The following GSK3B variants were observed in gnomAD, a reference collection of about 807,000 sequenced individuals.
GSK3B encodes the protein glycogen synthase kinase-3 beta.
Under a neutral mutation model 56.4 loss-of-function variants are expected in GSK3B, and 15 were observed. That is an observed-to-expected ratio of 0.27 (90% CI 0.18 to 0.41). GSK3B has a LOEUF of 0.41. GSK3B is among the 10% of genes least tolerant of loss of function. The pLI is 1.00. For missense variants in GSK3B, 300 were observed against 513.4 expected (o/e 0.58, Z 4.02); for synonymous variants, 181 against 188.9 (o/e 0.96, Z 0.34).
At position 120,058,966 on chromosome 3, in the gene GSK3B, C is replaced by T. The variant is rs558665807; in HGVS notation, c.88+34381G>A. Among the ~76,000 whole-genome samples the T allele has an allele frequency of 8.0e-5, 12 of 150,086 alleles. No homozygotes were observed. In the East Asian group the frequency reaches 2.4e-3, roughly 29 times the overall value. On this transcript the variant is annotated intron_variant, in intron 1 of 10. Transcript: ENST00000264235. ...CACACGTTGCAGTGAGTCAAGATCACGCCATTGCACTCCAGCCTGAGTGGC... is the reference window on the plus strand; with the variant it reads ...CACACGTTGCAGTGAGTCAAGATCATGCCATTGCACTCCAGCCTGAGTGGC...
intron 8 of GSK3B, among the ~76,000 whole-genome samples, chr3:119,870,699 T>G (rs1432405850): frequency 6.6e-6 from 1 of 152,130 alleles, no homozygotes; most frequent in African/African-American, 2.4e-5. Context: ...ATAATAAGGA[T>G]GTGGGTAGAA....
In GSK3B at chr3:119,891,853, T is replaced by C. The variant is rs556787661; in HGVS notation, c.813+13902A>G. On this transcript the variant is annotated intron_variant, in intron 7 of 10. Transcript: ENST00000264235. ...TACTAGAACTCATGATCTTTTCATT[T>C]GTTGCAAAAAGCATCAAGATCAGCC... 5.3e-5 allele frequency among the ~76,000 whole-genome samples: 8 copies of C among 152,308 alleles called. No individual in the cohort carries two copies. In the South Asian group the frequency reaches 1.7e-3, roughly 32 times the overall value.
chr3:119,935,117 T>C (rs1217183900), intron 3 of GSK3B, among the ~76,000 whole-genome samples: 1 of 152,130 alleles, frequency 6.6e-6, no homozygotes, highest in Non-Finnish European at 1.5e-5. Context: ...AAGAGCTTTA[T>C]TATTACTTAT....
rs755356141 is a variant in GSK3B at position 119,969,121 on chromosome 3, G to A, written c.283-21770C>T. On this transcript the variant is annotated intron_variant, in intron 2 of 10. Coordinates refer to ENST00000264235, the MANE Select transcript of GSK3B (RefSeq NM_001146156.2). ...AACCTGGCCAACACCGTGAAACCCC[G>A]TTTCTACTAAAAATACAAAAATTAG... Among the ~76,000 whole-genome samples, 7 of 151,782 alleles carry A rather than the reference G, an allele frequency of 4.6e-5. 1 individual carries two copies. The highest frequency in any genetic ancestry group is 2.6e-4 in the Admixed American group (4 of 15,226).
intron 8 of GSK3B, among the ~76,000 whole-genome samples, chr3:119,864,993 C>T (rs1050576754): frequency 1.1e-4 from 17 of 152,148 alleles, no homozygotes; most frequent in Non-Finnish European, 1.9e-4. Flanking sequence ...CTTTTGAATA[C>T]TCTGACTCGC....
At chr3:120,089,648 A>G (rs1166615962) in intron 1 of GSK3B, among the ~76,000 whole-genome samples, 2 of 152,212 alleles carry the variant, frequency 1.3e-5, no homozygotes, top group East Asian at 1.9e-4. Flanking sequence ...ACTTATTTTC[A>G]TATTTCTAAA....
chr3:119,876,253 A>C (rs778764261), intron 8 of GSK3B, among the ~76,000 whole-genome samples, 160 bp downstream of exon 8: 2 of 152,186 alleles, frequency 1.3e-5, no homozygotes, highest in Non-Finnish European at 2.9e-5. Context: ...ATGAAACTAT[A>C]TAAAGTCAAT....
intron 2 of GSK3B, among the ~76,000 whole-genome samples, chr3:119,990,655 G>A (rs996084600): frequency 1.3e-5 from 2 of 152,280 alleles, no homozygotes; most frequent in African/African-American, 2.4e-5. Flanking sequence ...TAAGCCAAGC[G>A]CGGTGGCCCA....
At chr3:119,919,240 GGT>G (rs2056811811) in intron 4 of GSK3B, among the ~76,000 whole-genome samples, 1 of 152,074 alleles carries the variant, frequency 6.6e-6, no homozygotes, top group African/African-American at 2.4e-5. Flanking sequence ...TTGCCATTCT[GGT>G]AACATGTATG....
At chr3:119,977,081 A>C (rs1269174834) in intron 2 of GSK3B, among the ~76,000 whole-genome samples, 1 of 152,190 alleles carries the variant, frequency 6.6e-6, no homozygotes, top group Non-Finnish European at 1.5e-5. Flanking sequence ...GGAGGCAATA[A>C]AACTATATAT....
intron 3 of GSK3B, among the ~76,000 whole-genome samples, chr3:119,924,806 A>G (rs2056874967): frequency 1.3e-5 from 2 of 152,228 alleles, no homozygotes. Flanking sequence ...TATTCAGTTA[A>G]GTATTGTCTA....
intron 1 of GSK3B, among the ~76,000 whole-genome samples, chr3:120,067,389 C>G (rs2058289481): frequency 6.6e-6 from 1 of 152,126 alleles, no homozygotes; most frequent in South Asian, 2.1e-4. Flanking sequence ...ACTTAATACA[C>G]CTAACCTACC....
At chr3:119,955,234 TAA>T (rs543229359) in intron 2 of GSK3B, among the ~76,000 whole-genome samples, 13 of 126,570 alleles carry the variant, frequency 1.0e-4, no homozygotes, top group Middle Eastern at 3.7e-3. Context: ...AACCAACAGC[TAA>T]AAAAAAAAAA....
rs375785823 is a variant in GSK3B at position 120,032,274 on chromosome 3, A to G, written c.89-30035T>C. 3.9e-5 allele frequency among the ~76,000 whole-genome samples: 6 copies of G among 152,298 alleles called. No individual in the cohort carries two copies. The East Asian group carries it at 7.7e-4, about 20-fold the overall frequency. On this transcript the variant is annotated intron_variant, in intron 1 of 10. Coordinates refer to ENST00000264235, the MANE Select transcript of GSK3B (RefSeq NM_001146156.2). ...GGCGGATCACAAGGTTAGGAGTTCA[A>G]TATCAGCCTGGCCGATATGGTGAAA... is the stretch of plus-strand genomic sequence containing the variant.
At chr3:120,060,018 C>A (rs1559895570) in intron 1 of GSK3B, among the ~76,000 whole-genome samples, 1 of 152,068 alleles carries the variant, frequency 6.6e-6, no homozygotes, top group Non-Finnish European at 1.5e-5. Flanking sequence ...CAGGCATTAC[C>A]CTGAACTCTG....
intron 3 of GSK3B, among the ~76,000 whole-genome samples, chr3:119,931,648 T>A (rs531192732): frequency 5.3e-5 from 8 of 151,762 alleles, no homozygotes; most frequent in Non-Finnish European, 1.2e-4. Context: ...AATAAAAAAA[T>A]AAAATAAAAA....
intron 1 of GSK3B, among the ~76,000 whole-genome samples, chr3:120,038,566 G>C (rs1278333101): frequency 6.6e-6 from 1 of 152,130 alleles, no homozygotes. Context: ...ATCAAAAAGG[G>C]ATGGCAGTCT....
At chr3:119,975,981 G>C (rs918677058) in intron 2 of GSK3B, among the ~76,000 whole-genome samples, 1 of 152,042 alleles carries the variant, frequency 6.6e-6, no homozygotes, top group African/African-American at 2.4e-5. Context: ...AAAAGATATA[G>C]AACAGCAGAA....
At chr3:119,976,247 C>G (rs970390507) in intron 2 of GSK3B, among the ~76,000 whole-genome samples, 3 of 152,054 alleles carry the variant, frequency 2.0e-5, no homozygotes, top group African/African-American at 7.2e-5. Flanking sequence ...GAAATGAAAA[C>G]CTATTTCCCC....
Sources: gnomAD v4.1 joint callset for allele counts (sites outside exome capture counted in the v4.1 genomes callset) on GRCh38, gnomAD v4.1.1 for gene constraint, MANE v1.5 for transcripts, NCBI Gene and HGNC (gene_info 2026-07-23, HGNC 2026-07-21) for gene names.